NAALADL2: variants seen among roughly 807,000 people sequenced by gnomAD.
NAALADL2 encodes the protein N-acetylated alpha-linked acidic dipeptidase like 2, also known as inactive N-acetylated-alpha-linked acidic dipeptidase-like protein 2.
Under a neutral mutation model 87.2 loss-of-function variants are expected in NAALADL2, and 76 were observed. The observed-to-expected ratio is 0.87, with a 90% CI of 0.72 to 1.05. The LOEUF is 1.05. NAALADL2 is among the 50% of genes least tolerant of loss of function. The pLI, the probability that NAALADL2 is intolerant of heterozygous loss-of-function variation, is 0.00. For missense variants in NAALADL2, 1,089 were observed against 945.8 expected, an observed-to-expected ratio of 1.15 and a Z score of -1.99; for synonymous variants, 354 against 331.0, an observed-to-expected ratio of 1.07 and a Z score of -0.75.
chr3:175,508,772 C>G (rs12487902), intron 9 of NAALADL2, among the ~76,000 whole-genome samples: 2,381 of 151,864 alleles, frequency 0.016, 73 homozygotes, highest in Admixed American at 0.065. Context: ...GCTTTTGGGT[C>G]TATTATTTCT....
At chr3:174,662,368 G>A (rs1209735707) in intron 2 of NAALADL2, among the ~76,000 whole-genome samples, 1 of 152,158 alleles carries the variant, frequency 6.6e-6, no homozygotes, top group African/African-American at 2.4e-5. Context: ...AGTTTCTCCT[G>A]TATGAGAACT....
chr3:175,021,083 T>C (rs1751495194), intron 1 of NAALADL2, among the ~76,000 whole-genome samples: 1 of 152,014 alleles, frequency 6.6e-6, no homozygotes, highest in Non-Finnish European at 1.5e-5. Context: ...ATTTTTGTGA[T>C]TATTGGTGGG....
At chr3:175,268,754 C>T (rs1051805280) in intron 4 of NAALADL2, among the ~76,000 whole-genome samples, 3 of 151,880 alleles carry the variant, frequency 2.0e-5, no homozygotes, top group African/African-American at 7.3e-5. Context: ...GAAACACAGA[C>T]ACTTTAGCCA....
At chr3:175,115,391 C>T (rs1204062833) in intron 2 of NAALADL2, 4 of 150,066 alleles carry the variant, frequency 2.7e-5, no homozygotes. Context: ...CTCTCTGAGG[C>T]ACATGACAAT....
intron 3 of NAALADL2, among the ~76,000 whole-genome samples, chr3:175,236,312 G>T (rs537326906): frequency 6.6e-6 from 1 of 152,016 alleles, no homozygotes; most frequent in Non-Finnish European, 1.5e-5. Context: ...ATTGGAGGCC[G>T]AGGCGGGTGG....
At chr3:175,761,411 C>A (rs759973278) in intron 13 of NAALADL2, among the ~76,000 whole-genome samples, 2 of 152,126 alleles carry the variant, frequency 1.3e-5, no homozygotes, top group African/African-American at 4.8e-5. Flanking sequence ...TTTTGAAGGG[C>A]ATTTTTGTTG....
chr3:174,883,208 C>G (rs747529253), intron 1 of NAALADL2, among the ~76,000 whole-genome samples: 1 of 151,996 alleles, frequency 6.6e-6, no homozygotes, highest in Non-Finnish European at 1.5e-5. Context: ...CTGCCTTTCC[C>G]AGCCTACTGA....
At chr3:175,670,661 T>C (rs1733881184) in intron 11 of NAALADL2, among the ~76,000 whole-genome samples, 3 of 149,730 alleles carry the variant, frequency 2.0e-5, no homozygotes, top group Non-Finnish European at 4.5e-5. Flanking sequence ...GAATTTTCAA[T>C]CCTCCAAGAT....
At chr3:175,570,879 CAA>C (rs553923028) in intron 9 of NAALADL2, among the ~76,000 whole-genome samples, 2,127 of 77,832 alleles carry the variant, frequency 0.027, 36 homozygotes, top group African/African-American at 0.081. Flanking sequence ...GACTCCATCT[CAA>C]AAAAAAAAAA....
intron 13 of NAALADL2, among the ~76,000 whole-genome samples, chr3:175,789,769 A>G (rs777628203): frequency 8.5e-5 from 13 of 152,218 alleles, no homozygotes; most frequent in Non-Finnish European, 1.9e-4. Context: ...ATATATTAAT[A>G]GAACTGAGCC....
chr3:174,938,639 C>A (rs1738073550), intron 1 of NAALADL2, among the ~76,000 whole-genome samples: 2 of 152,152 alleles, frequency 1.3e-5, no homozygotes, highest in Admixed American at 1.3e-4. Flanking sequence ...TATACTCCCA[C>A]CAACAGTGTA....
chr3:175,171,941 G>C (rs1461304034), intron 2 of NAALADL2, among the ~76,000 whole-genome samples: 1 of 152,058 alleles, frequency 6.6e-6, no homozygotes, highest in Non-Finnish European at 1.5e-5. Flanking sequence ...ATAAAGAGAG[G>C]TTGGTCAAAG....
chr3:175,034,970 T>G (rs557287270), intron 1 of NAALADL2, among the ~76,000 whole-genome samples: 2 of 152,320 alleles, frequency 1.3e-5, no homozygotes, highest in Admixed American at 1.3e-4. Context: ...ACTACTGTAT[T>G]CTCAGTGTCC....
chr3:174,550,578 G>A (rs564720589), exon 2 of NAALADL2: 2 of 151,540 alleles, frequency 1.3e-5, no homozygotes, highest in South Asian at 4.2e-4. Flanking sequence ...GGAGGCTGAG[G>A]GAAGAAAAGA....
At chr3:175,483,023 C>T (rs1212997899) in intron 9 of NAALADL2, among the ~76,000 whole-genome samples, 1 of 151,808 alleles carries the variant, frequency 6.6e-6, no homozygotes, top group African/African-American at 2.4e-5. Flanking sequence ...ATAAACATAC[C>T]TGAATAAAAG....
chr3:175,728,591 A>T (rs1561045526), intron 11 of NAALADL2, among the ~76,000 whole-genome samples: 1 of 152,162 alleles, frequency 6.6e-6, no homozygotes, highest in East Asian at 1.9e-4. Context: ...TTTGTTGTTA[A>T]ATTGGGGAAT....
chr3:175,132,009 C>A, intron 2 of NAALADL2, among the ~76,000 whole-genome samples: 1 of 119,986 alleles, frequency 8.3e-6, no homozygotes, highest in Non-Finnish European at 1.8e-5. Context: ...GACCCCCCCA[C>A]CTCCCTCCCG....
chr3:175,080,699 T>A (rs1717630400), intron 1 of NAALADL2, among the ~76,000 whole-genome samples: 1 of 152,184 alleles, frequency 6.6e-6, no homozygotes, highest in Non-Finnish European at 1.5e-5. Context: ...AAAGAACAAA[T>A]CAAAATGGGA....
chr3:175,165,402 A>G (rs1733840264), intron 2 of NAALADL2, among the ~76,000 whole-genome samples: 2 of 151,964 alleles, frequency 1.3e-5, no homozygotes, highest in Admixed American at 1.3e-4. Context: ...AACAATAAGT[A>G]AATCAATAGA....
Sources: gnomAD v4.1 joint callset for allele counts (sites outside exome capture counted in the v4.1 genomes callset) on GRCh38, gnomAD v4.1.1 for gene constraint, MANE v1.5 for transcripts, NCBI Gene and HGNC (gene_info 2026-07-23, HGNC 2026-07-21) for gene names.